Variants in SART3 observed in about 807,000 individuals in gnomAD.
The protein encoded by SART3 is HIV-1 Tat-interacting protein of 110kDa.
A neutral mutation model predicts 122.3 loss-of-function variants in SART3; 44 were observed. The ratio of observed to expected loss-of-function variants is 0.36; its 90% CI spans 0.28 to 0.46. SART3 has a LOEUF of 0.46. Among genes scored for constraint, SART3 ranks in the 20% least tolerant of loss-of-function variants. The pLI is 1.00. For synonymous variants in SART3, 442 were observed against 454.0 expected, an observed-to-expected ratio of 0.97 and a Z score of 0.34; for missense variants, 1,101 against 1,229.0, an observed-to-expected ratio of 0.90 and a Z score of 1.56.
Position 108,523,379 on chromosome 12 carries a change from C to A in SART3, c.*78G>T. The A allele has an allele frequency of 1.4e-6, 2 of 1,461,796 alleles. No homozygotes were observed. The highest frequency in any genetic ancestry group is 1.1e-5 in the South Asian group (1 of 87,816). The allele number at this position is 1,461,796 out of a possible 1,614,324, so 90.6% of individuals were successfully genotyped here. A position where few individuals can be genotyped will look rare whatever the true frequency, so the allele number is the denominator to read the frequency against. Reference sequence around the variant, plus strand: ...CACGCAGCACACCAGGCCTGTCCATCCCCAGTGCACTGCTGGGTGGTGGGA... The same window carrying A: ...CACGCAGCACACCAGGCCTGTCCATACCCAGTGCACTGCTGGGTGGTGGGA... On this transcript the variant is annotated 3_prime_UTR_variant, in exon 19 of 19. Transcript: ENST00000546815.
At position 108,537,608 on chromosome 12, in the gene SART3, A is replaced by C; in HGVS notation, c.1202-13T>G. On this transcript the variant is annotated splice_polypyrimidine_tract_variant and intron_variant, in intron 8 of 18. Coordinates refer to ENST00000546815, the MANE Select transcript of SART3 (RefSeq NM_014706.4). The stretch of plus-strand genomic sequence containing the variant: ...TTCTCGAAGGTTACTGGAGTTGGAG[A>C]AAAGTCAGGATTTGTTACCAATTCA... 1 of 1,606,568 alleles carries C rather than the reference A, an allele frequency of 6.2e-7. No individual in the cohort carries two copies. Among genetic ancestry groups the C allele is most frequent in the Non-Finnish European group, 8.5e-7 (1 of 1,173,260 alleles).
intron 9 of SART3, 56 bp from the exon 10 acceptor site, chr12:108,536,841 AT>A: frequency 6.6e-7 from 1 of 1,520,212 alleles, no homozygotes; most frequent in Non-Finnish European, 9.1e-7. Context: ...GCTTTGTTTT[AT>A]TTTTTATCCT....
intron 6 of SART3, among the ~76,000 whole-genome samples, chr12:108,539,765 G>C (rs1042590186): frequency 6.6e-6 from 1 of 152,174 alleles, no homozygotes; most frequent in Non-Finnish European, 1.5e-5. Flanking sequence ...GAGAGTAAGA[G>C]AACACACAGA....
intron 7 of SART3, among the ~76,000 whole-genome samples, chr12:108,538,495 T>C (rs1873013602): frequency 6.6e-6 from 1 of 152,144 alleles, no homozygotes; most frequent in South Asian, 2.1e-4. Context: ...TACTGAAATA[T>C]TTACCAACGA....
chr12:108,548,950 A>C lies in SART3; in HGVS notation c.439+138T>G. On this transcript the variant is annotated intron_variant, in intron 2 of 18. Coordinates refer to ENST00000546815, the MANE Select transcript of SART3 (RefSeq NM_014706.4). ...AAACTACAATAAACTAAAAATAGCT[A>C]ACTCTGATGCGTTTTCTTCTTTCCA... The C allele has an allele frequency of 3.1e-6, 4 of 1,289,380 alleles. No homozygotes were observed. In the South Asian group the frequency reaches 5.1e-5, roughly 16 times the overall value. The allele number at this position is 1,289,380 out of a possible 1,614,324, so 79.9% of individuals were successfully genotyped here. A position where few individuals can be genotyped will look rare whatever the true frequency, so the allele number is the denominator to read the frequency against.
At chr12:108,546,679 C>T (rs548003309) in intron 3 of SART3, among the ~76,000 whole-genome samples, 110 of 152,148 alleles carry the variant, frequency 7.2e-4, no homozygotes, top group African/African-American at 2.5e-3. Flanking sequence ...CATGCCACCC[C>T]GCCCGGCTAA....
intron 6 of SART3, among the ~76,000 whole-genome samples, chr12:108,540,108 CCTA>C (rs1473722677): frequency 6.6e-6 from 1 of 152,000 alleles, no homozygotes; most frequent in Non-Finnish European, 1.5e-5. Flanking sequence ...CACACATGGA[CCTA>C]CTGCAGTGAA....
intron 1 of SART3, among the ~76,000 whole-genome samples, chr12:108,551,439 T>C (rs2030006465): frequency 6.6e-6 from 1 of 151,846 alleles, no homozygotes; most frequent in Admixed American, 6.6e-5. Flanking sequence ...TACTAGACAC[T>C]TGAATATGTT....
chr12:108,560,823 C>A lies in SART3; in HGVS notation c.312+20G>T. 6.4e-7 allele frequency: 1 copy of A among 1,569,690 alleles called. No homozygotes were observed. Among genetic ancestry groups the A allele is most frequent in the Non-Finnish European group, 8.7e-7 (1 of 1,153,152 alleles). ...GACCTGAAAGACTGGAAGATGCCCG[C>A]TGCCCACCCCCGGGCCCACCTGCTC... On this transcript the variant is annotated intron_variant, in intron 1 of 18. Coordinates refer to ENST00000546815, the MANE Select transcript of SART3 (RefSeq NM_014706.4).
intron 9 of SART3, chr12:108,537,274 C>A (rs940703412): frequency 3.7e-6 from 2 of 539,258 alleles, no homozygotes; most frequent in Non-Finnish European, 3.3e-6. Context: ...AAAAGGCTGG[C>A]AGGAGCCAGT....
intron 12 of SART3, chr12:108,532,541 C>CAG: frequency 1.9e-6 from 1 of 528,872 alleles, no homozygotes; most frequent in South Asian, 1.9e-5. Context: ...CACTCTCTCC[C>CAG]TCAGCCATGT....
intron 8 of SART3, among the ~76,000 whole-genome samples, 192 bp downstream of exon 8, chr12:108,537,873 T>TATTA (rs1872985788): frequency 6.6e-6 from 1 of 152,202 alleles, no homozygotes. Flanking sequence ...ATACAATGAA[T>TATTA]ATTAGCATGT....
intron 12 of SART3, among the ~76,000 whole-genome samples, chr12:108,534,470 G>A (rs1018160230): frequency 6.6e-6 from 1 of 151,462 alleles, no homozygotes; most frequent in African/African-American, 2.4e-5. Flanking sequence ...GATCACTTGA[G>A]GTCAGCATGA....
intron 15 of SART3, among the ~76,000 whole-genome samples, chr12:108,528,245 G>C (rs545477310): frequency 2.6e-5 from 4 of 152,274 alleles, no homozygotes; most frequent in African/African-American, 9.6e-5. Flanking sequence ...CACTTTGGGA[G>C]GCCAAGGCGG....
chr12:108,541,250 T>C, intron 6 of SART3, among the ~76,000 whole-genome samples: 1 of 151,516 alleles, frequency 6.6e-6, no homozygotes, highest in East Asian at 2.0e-4. Context: ...CTACTAAAAA[T>C]ACAAAAATTA....
intron 1 of SART3, among the ~76,000 whole-genome samples, chr12:108,554,772 G>C (rs1170874808): frequency 6.6e-6 from 1 of 151,114 alleles, no homozygotes; most frequent in Non-Finnish European, 1.5e-5. Flanking sequence ...CCCTGTACTG[G>C]AGGTCTGGGG....
intron 1 of SART3, among the ~76,000 whole-genome samples, chr12:108,556,537 A>G (rs938179516): frequency 6.6e-6 from 1 of 152,260 alleles, no homozygotes; most frequent in African/African-American, 2.4e-5. Context: ...CTTATGATTC[A>G]TAAAACCTGA....
At chr12:108,552,553 A>C (rs1178600264) in intron 1 of SART3, among the ~76,000 whole-genome samples, 4 of 151,782 alleles carry the variant, frequency 2.6e-5, no homozygotes, top group South Asian at 4.2e-4. Context: ...AAAAAAAAAA[A>C]CAAAAGAACA....
intron 3 of SART3, 57 bp from the exon 4 acceptor site, chr12:108,545,380 T>C (rs982059002): frequency 1.3e-6 from 2 of 1,569,870 alleles, no homozygotes; most frequent in African/African-American, 1.4e-5. Context: ...ATATCAAAAC[T>C]GATGCATAAC....
Sources: allele counts gnomAD v4.1 joint callset (sites outside exome capture counted in the v4.1 genomes callset), GRCh38; gene constraint gnomAD v4.1.1; transcripts MANE v1.5; gene names NCBI Gene and HGNC (gene_info 2026-07-23, HGNC 2026-07-21).